TFAP2A: variants seen among roughly 807,000 people sequenced by gnomAD.
TFAP2A encodes the protein transcription factor AP-2 alpha.
In TFAP2A, 7 loss-of-function variants were observed where a neutral mutation model predicts 41.5. The ratio of observed to expected loss-of-function variants is 0.17; its 90% CI spans 0.10 to 0.32. The LOEUF is 0.32. Ranked by LOEUF, TFAP2A falls within the 10% of genes least tolerant of loss-of-function variation. The probability of loss-of-function intolerance (pLI) is 1.00; values close to 1 mark genes in which losing one functional copy is unlikely to be tolerated. For synonymous variants in TFAP2A, 247 were observed against 242.8 expected (o/e 1.02, Z -0.16); for missense variants, 416 against 563.3 (o/e 0.74, Z 2.65).
At chr6:10,415,084 C>T, upstream of TFAP2A, 7 of 1,608,894 alleles carry the variant, frequency 4.4e-6, no homozygotes, top group South Asian at 3.3e-5. Context: ...CGGCGGTGAG[C>T]GCAGGAGGAG....
intron 3 of TFAP2A, chr6:10,404,974 C>G: frequency 1.7e-6 from 1 of 591,942 alleles, no homozygotes. Flanking sequence ...GCCAGCCTGG[C>G]CTGCGTTTCT....
At chr6:10,407,153 G>A (rs2114022543) in intron 2 of TFAP2A, 1 of 409,466 alleles carries the variant, frequency 2.4e-6, no homozygotes, top group East Asian at 5.2e-5. Context: ...ATCATTCTCA[G>A]TCAGTTCAAC....
At chr6:10,411,547 A>G (rs747335680) in intron 1 of TFAP2A, 3 of 1,498,388 alleles carry the variant, frequency 2.0e-6, no homozygotes, top group Non-Finnish European at 2.7e-6. Context: ...AGAAACAGCA[A>G]CGGGGGTGGG....
At chr6:10,405,461 A>G (rs1345840085) in intron 3 of TFAP2A, 3 of 152,172 alleles carry the variant, frequency 2.0e-5, no homozygotes, top group Non-Finnish European at 4.4e-5. Context: ...AATACTAGCA[A>G]TGTGCCCTTT....
chr6:10,404,897 C>T (rs1182053273), intron 3 of TFAP2A, 158 bp from the exon 4 acceptor site: 17 of 690,536 alleles, frequency 2.5e-5, no homozygotes. Flanking sequence ...TCTGCTACTT[C>T]CCTTCCTCGG....
Position 10,397,289 on chromosome 6 carries a change from T to G in TFAP2A, c.*1128A>C, listed in dbSNP as rs545023610. ...TTTAAAGACAATATTCATTTATTGCTCAAATGATGCTTTTAAGGGAGGACA... is the reference window on the plus strand; with the variant it reads ...TTTAAAGACAATATTCATTTATTGCGCAAATGATGCTTTTAAGGGAGGACA... On this transcript the variant is annotated 3_prime_UTR_variant, in exon 7 of 7. Coordinates refer to ENST00000379613, the MANE Select transcript of TFAP2A (RefSeq NM_001372066.1). The G allele has an allele frequency of 6.6e-6, 1 of 152,110 alleles. No individual in the cohort carries two copies. Among genetic ancestry groups the G allele is most frequent in the Non-Finnish European group, 1.5e-5 (1 of 68,010 alleles). 9.4% of individuals were successfully genotyped at this position (152,110 alleles called of 1,614,324 possible). A position where few individuals can be genotyped will look rare whatever the true frequency, so the allele number is the denominator to read the frequency against.
chr6:10,405,374 A>G (rs1302657214), intron 3 of TFAP2A: 1 of 152,072 alleles, frequency 6.6e-6, no homozygotes, highest in Non-Finnish European at 1.5e-5. Flanking sequence ...AATTTTGAAA[A>G]CGTCTCAGTT....
At chr6:10,401,376 T>C (rs1319336354) in intron 5 of TFAP2A, among the ~76,000 whole-genome samples, 1 of 152,232 alleles carries the variant, frequency 6.6e-6, no homozygotes, top group African/African-American at 2.4e-5. Context: ...GGGTTCTCTA[T>C]GGACTGTTAT....
chr6:10,398,008 AT>A lies in TFAP2A; in HGVS notation c.*408del, dbSNP rs1761844226. On this transcript the variant is annotated 3_prime_UTR_variant, in exon 7 of 7. Transcript: ENST00000379613. This position sits in a 1 kb window ranked among gnomAD's most constrained non-coding sequence, Gnocchi z 5.3. The stretch of plus-strand genomic sequence containing the variant: ...CCATGAAGCGCATATAATTTTTTTT[AT>A]TTTCACTTTTTTTTTAGAAAAAAGT... 9.6e-7 allele frequency: 1 copy of A among 1,040,594 alleles called. No homozygotes were observed. The highest frequency in any genetic ancestry group is 1.9e-5 in the African/African-American group (1 of 52,096). The allele number at this position is 1,040,594 out of a possible 1,614,324, so 64.5% of individuals were successfully genotyped here.
intron 2 of TFAP2A, chr6:10,409,687 G>A (rs1305268567): frequency 1.7e-6 from 1 of 594,610 alleles, no homozygotes; most frequent in Non-Finnish European, 3.0e-6. Flanking sequence ...CATTGTTTGA[G>A]GGAGCTCCAG....
chr6:10,412,380 G>C, intron 1 of TFAP2A: 1 of 781,656 alleles, frequency 1.3e-6, no homozygotes, highest in Non-Finnish European at 1.6e-6. Context: ...GCGTGTGTGA[G>C]AAAGAAAGTG....
chr6:10,415,086 CAGGAGGAGG>C (rs904750524), upstream of TFAP2A: 3 of 1,597,712 alleles, frequency 1.9e-6, no homozygotes, highest in African/African-American at 1.4e-5. Flanking sequence ...GCGGTGAGCG[CAGGAGGAGG>C]AGGAGGAGGG....
chr6:10,411,150 G>C, intron 1 of TFAP2A: 1 of 183,652 alleles, frequency 5.4e-6, no homozygotes, highest in Non-Finnish European at 1.1e-5. Flanking sequence ...GAAGAGAGTT[G>C]ATTCCAGAGA....
chr6:10,412,686 G>A, intron 1 of TFAP2A: 1 of 346,808 alleles, frequency 2.9e-6, no homozygotes, highest in Admixed American at 3.4e-5. Context: ...CGGCGCGGCA[G>A]GCGCTTCCCG....
intron 2 of TFAP2A, 101 bp downstream of exon 2, chr6:10,409,800 G>A (rs1757871599): frequency 8.7e-6 from 12 of 1,384,730 alleles, no homozygotes; most frequent in Non-Finnish European, 1.2e-5. Context: ...GGAAATACTA[G>A]GGAGAACCCG....
At chr6:10,419,253 T>C (rs988617935), upstream of TFAP2A, among the ~76,000 whole-genome samples, 3 of 152,172 alleles carry the variant, frequency 2.0e-5, no homozygotes, top group African/African-American at 7.2e-5. Context: ...CCGTTTTTCC[T>C]GTCTTCGCTG....
At chr6:10,411,924 G>T in intron 1 of TFAP2A, 1 of 1,197,250 alleles carries the variant, frequency 8.4e-7, no homozygotes, top group Non-Finnish European at 1.0e-6. Flanking sequence ...GTGTGGGTGC[G>T]TGCGTGTTCC....
At position 10,409,965 on chromosome 6, in the gene TFAP2A, G is replaced by T. The variant is rs770743434; in HGVS notation, c.422C>A (p.Ala141Glu). 1.9e-6 allele frequency: 3 copies of T among 1,579,598 alleles called. No homozygotes were observed. Among genetic ancestry groups the T allele is most frequent in the Non-Finnish European group, 2.6e-6 (3 of 1,162,676 alleles). The change falls in exon 2 of 7, where the codon GCG becomes GAG. Residue 141 changes from alanine to glutamate, a missense_variant. This residue lies in a region of TFAP2A where 241 missense variants were observed against 274.1 expected (regional missense o/e 0.88). Coordinates refer to ENST00000379613, the MANE Select transcript of TFAP2A (RefSeq NM_001372066.1). ...GAGGTCTCCGAGTCCTGAGCTGAGC[G>T]CGTGTGGGCCGTGCAGGAGGTCCTC... ...RHEDLLHGPHALSSGLGDLSI... is the reference protein window; with the variant it reads ...RHEDLLHGPHELSSGLGDLSI...
upstream of TFAP2A, among the ~76,000 whole-genome samples, chr6:10,418,950 T>G (rs1758336497): frequency 6.6e-6 from 1 of 151,330 alleles, no homozygotes; most frequent in Non-Finnish European, 1.5e-5. Context: ...GAGAGACAGG[T>G]GCACCAGAAC....
Sources: allele counts gnomAD v4.1 joint callset (sites outside exome capture counted in the v4.1 genomes callset), GRCh38; gene constraint gnomAD v4.1.1; regional missense constraint gnomAD v4.1.1; non-coding constraint Gnocchi (gnomAD v3.1); transcripts MANE v1.5; gene names NCBI Gene and HGNC (gene_info 2026-07-23, HGNC 2026-07-21).